EYS: variants seen among roughly 807,000 people sequenced by gnomAD.
EYS encodes EGF-like photoreceptor maintenance factor.
Under a neutral mutation model 282.1 loss-of-function variants are expected in EYS, and 250 were observed. That is an observed-to-expected ratio of 0.89 (90% CI 0.80 to 0.98). The LOEUF (loss-of-function observed/expected upper bound fraction) is 0.98. Among genes scored for constraint, EYS ranks in the 50% least tolerant of loss-of-function variants. The pLI, the probability that EYS is intolerant of heterozygous loss-of-function variation, is 0.00. For synonymous variants in EYS, 1,355 were observed against 1,282.9 expected (o/e 1.06, Z -1.20); for missense variants, 4,016 against 3,709.0 (o/e 1.08, Z -2.15).
intron 22 of EYS, among the ~76,000 whole-genome samples, chr6:64,803,110 T>C (rs1175032743): frequency 6.6e-6 from 1 of 152,162 alleles, no homozygotes; most frequent in Non-Finnish European, 1.5e-5. Context: ...CCTCAGAAGC[T>C]TGGAGAGGAG....
At chr6:65,544,896 T>C (rs1768324131) in intron 2 of EYS, among the ~76,000 whole-genome samples, 2 of 152,086 alleles carry the variant, frequency 1.3e-5, no homozygotes, top group South Asian at 4.1e-4. Flanking sequence ...AAAGTACATG[T>C]TTACAAAAAT....
intron 31 of EYS, among the ~76,000 whole-genome samples, chr6:64,122,149 C>T (rs1318885222): frequency 6.6e-6 from 1 of 151,980 alleles, no homozygotes; most frequent in Non-Finnish European, 1.5e-5. Context: ...ACTTCAAGTG[C>T]ATTTAATTTA....
chr6:64,674,214 G>C (rs1401856398), intron 22 of EYS, among the ~76,000 whole-genome samples: 1 of 152,044 alleles, frequency 6.6e-6, no homozygotes, highest in East Asian at 1.9e-4. Flanking sequence ...GAGAGAAGCA[G>C]TACAAATATC....
chr6:65,466,789 G>GA (rs1417619040), intron 5 of EYS, among the ~76,000 whole-genome samples: 1 of 152,116 alleles, frequency 6.6e-6, no homozygotes, highest in African/African-American at 2.4e-5. Context: ...CCATCCAGAA[G>GA]AGAAGGAACA....
intron 12 of EYS, among the ~76,000 whole-genome samples, chr6:65,197,890 T>C (rs1052571614): frequency 1.3e-5 from 2 of 152,096 alleles, no homozygotes; most frequent in African/African-American, 4.8e-5. Context: ...ACATTATTGG[T>C]TTTATAAACA....
At chr6:65,001,722 G>T (rs974708371) in intron 13 of EYS, among the ~76,000 whole-genome samples, 1 of 147,608 alleles carries the variant, frequency 6.8e-6, no homozygotes, top group African/African-American at 2.4e-5. Context: ...AGGAAGTTTA[G>T]CTTCCCAAAC....
At chr6:64,525,754 C>T (rs1292696717) in intron 26 of EYS, among the ~76,000 whole-genome samples, 4 of 151,880 alleles carry the variant, frequency 2.6e-5, no homozygotes, top group Non-Finnish European at 2.9e-5. Context: ...TTAAATCAGT[C>T]ATACACTTCT....
At chr6:64,902,263 T>C in intron 17 of EYS, 43 bp from the exon 18 acceptor site, 1 of 1,406,128 alleles carries the variant, frequency 7.1e-7, no homozygotes, top group South Asian at 1.3e-5. Context: ...TATATATGTA[T>C]AAAATCAATG....
chr6:65,132,467 A>C (rs760205777), intron 12 of EYS, among the ~76,000 whole-genome samples: 9 of 152,068 alleles, frequency 5.9e-5, no homozygotes, highest in Non-Finnish European at 1.2e-4. Flanking sequence ...ACCCCATGTG[A>C]TTATCTCAAT....
At chr6:65,634,710 A>C (rs1562300885) in intron 2 of EYS, among the ~76,000 whole-genome samples, 1 of 152,124 alleles carries the variant, frequency 6.6e-6, no homozygotes, top group Non-Finnish European at 1.5e-5. Context: ...GTCATCCTTG[A>C]TTTCTCTCTG....
chr6:65,414,433 G>A (rs764324604), intron 5 of EYS, among the ~76,000 whole-genome samples: 9 of 152,140 alleles, frequency 5.9e-5, no homozygotes, highest in Non-Finnish European at 1.2e-4. Flanking sequence ...CTGCAGTATT[G>A]CAGTAATGGA....
intron 5 of EYS, among the ~76,000 whole-genome samples, chr6:65,416,413 C>T: frequency 6.6e-6 from 1 of 151,900 alleles, no homozygotes; most frequent in East Asian, 1.9e-4. Flanking sequence ...CTATCTCTCT[C>T]TCATACACAC....
At chr6:64,613,401 A>G (rs1402863440) in intron 24 of EYS, among the ~76,000 whole-genome samples, 1 of 152,120 alleles carries the variant, frequency 6.6e-6, no homozygotes, top group Non-Finnish European at 1.5e-5. Context: ...AACAATCACA[A>G]AATTCTGGGT....
chr6:64,826,983 A>G (rs1320692824), intron 19 of EYS, among the ~76,000 whole-genome samples: 2 of 151,746 alleles, frequency 1.3e-5, no homozygotes, highest in African/African-American at 4.8e-5. Flanking sequence ...GATATTATCA[A>G]ATACTCTCAT....
At chr6:64,890,106 C>A (rs1017108061) in intron 18 of EYS, among the ~76,000 whole-genome samples, 2 of 150,556 alleles carry the variant, frequency 1.3e-5, no homozygotes, top group Admixed American at 6.6e-5. Context: ...AAAATAGACC[C>A]CAGTCTCCCA....
At chr6:64,325,881 G>GA in intron 29 of EYS, among the ~76,000 whole-genome samples, 1 of 152,128 alleles carries the variant, frequency 6.6e-6, no homozygotes, top group East Asian at 1.9e-4. Flanking sequence ...AAGAAAACAT[G>GA]AAAAGTCTCC....
intron 13 of EYS, among the ~76,000 whole-genome samples, chr6:65,035,930 A>G (rs1313102424): frequency 6.8e-6 from 1 of 147,468 alleles, no homozygotes; most frequent in Non-Finnish European, 1.5e-5. Context: ...TATATTATAT[A>G]TTACATAGTA....
At chr6:64,837,440 C>T (rs1765415083) in intron 19 of EYS, among the ~76,000 whole-genome samples, 1 of 151,244 alleles carries the variant, frequency 6.6e-6, no homozygotes, top group Non-Finnish European at 1.5e-5. Flanking sequence ...TGTCCACTTT[C>T]ACCACTTCTA....
At chr6:65,486,074 G>A (rs1452004971) in intron 5 of EYS, among the ~76,000 whole-genome samples, 1 of 152,102 alleles carries the variant, frequency 6.6e-6, no homozygotes, top group Non-Finnish European at 1.5e-5. Context: ...ATAATACATT[G>A]TTTTGATCAA....
Sources: gnomAD v4.1 joint callset for allele counts (sites outside exome capture counted in the v4.1 genomes callset) on GRCh38, gnomAD v4.1.1 for gene constraint, MANE v1.5 for transcripts, NCBI Gene and HGNC (gene_info 2026-07-23, HGNC 2026-07-21) for gene names.